Variants in USP47 observed in about 807,000 individuals in gnomAD.
USP47 encodes ubiquitin specific peptidase 47, also known as ubiquitin carboxyl-terminal hydrolase 47.
Under a neutral mutation model 165.1 loss-of-function variants are expected in USP47, and 35 were observed. That is an observed-to-expected ratio of 0.21 (90% CI 0.16 to 0.28). The LOEUF (loss-of-function observed/expected upper bound fraction) is 0.28. Ranked by LOEUF, USP47 falls within the 10% of genes least tolerant of loss-of-function variation. USP47 has a pLI of 1.00. For missense variants in USP47, 1,277 were observed against 1,607.4 expected (o/e 0.79, Z 3.52); for synonymous variants, 531 against 544.5 (o/e 0.98, Z 0.35).
At chr11:11,933,959 A>G in intron 16 of USP47, 24 bp downstream of exon 16, 2 of 1,514,184 alleles carry the variant, frequency 1.3e-6, no homozygotes, top group South Asian at 2.3e-5. Flanking sequence ...CATCATTGGC[A>G]TTTACTTACT....
intron 4 of USP47, among the ~76,000 whole-genome samples, chr11:11,892,833 A>G (rs1370449088): frequency 7.0e-6 from 1 of 142,456 alleles, no homozygotes; most frequent in Non-Finnish European, 1.5e-5. Context: ...AAAAAAAAAA[A>G]AGAAAAAGAA....
At position 11,942,542 on chromosome 11, in the gene USP47, G is replaced by C; in HGVS notation, c.2521G>C (p.Gly841Arg). The stretch of plus-strand genomic sequence containing the variant: ...GGATGATGACTGTGAAAGAGTCAAA[G>C]GACCTGTAGGAAGCCTAAAGTCTGT... ...NVDDDCERVK[G>R]PVGSLKSVEA... Residue 841 changes from glycine (G) to arginine (R), a missense_variant, in exon 20 of 28, where the codon GGA becomes CGA. Transcript: ENST00000527733. 6.2e-7 allele frequency: 1 copy of C among 1,613,550 alleles called. No homozygotes were observed. The highest frequency in any genetic ancestry group is 1.1e-5 in the South Asian group (1 of 91,062).
In USP47 at chr11:11,904,207, A is replaced by G. The variant is rs188633677; in HGVS notation, c.819+865A>G. ...ATTTTCTTATGGTGATTTGCTATTC[A>G]GTATTTGAAAAACACTGGTTTGAAC... is the stretch of plus-strand genomic sequence containing the variant. On this transcript the variant is annotated intron_variant, in intron 7 of 27. Transcript: ENST00000527733. Among the ~76,000 whole-genome samples, 29 of 152,312 alleles carry G rather than the reference A, an allele frequency of 1.9e-4. 1 individual carries two copies. The East Asian group carries it at 5.6e-3, about 29-fold the overall frequency.
rs1250306292 is a variant in USP47 at position 11,957,732 on chromosome 11, C to CT, written c.*1564dup. The CT allele has an allele frequency of 6.6e-6, 1 of 152,092 alleles. No homozygotes were observed. Among genetic ancestry groups the CT allele is most frequent in the Non-Finnish European group, 1.5e-5 (1 of 67,990 alleles). 9.4% of individuals were successfully genotyped at this position (152,092 alleles called of 1,614,324 possible). A position where few individuals can be genotyped will look rare whatever the true frequency, so the allele number is the denominator to read the frequency against. On this transcript the variant is annotated 3_prime_UTR_variant, in exon 28 of 28. Coordinates refer to ENST00000527733, the MANE Select transcript of USP47 (RefSeq NM_001282659.2). ...CAGTATTTCAGATCCGATTTTTACC[C>CT]TTTTTTTCTTATAAGAAAGATAAAA...
rs755830489 is a variant in USP47 at position 11,940,400 on chromosome 11, T to C, written c.2194-29T>C. ...TCAAGCAGAATTATTTTTGAAAGAG[T>C]ACTTTTTATTAAATTGCTTTCATTA... On this transcript the variant is annotated intron_variant, in intron 18 of 27. Coordinates refer to ENST00000527733, the MANE Select transcript of USP47 (RefSeq NM_001282659.2). The C allele has an allele frequency of 1.2e-5, 18 of 1,563,556 alleles. No homozygotes were observed. The South Asian group carries it at 2.0e-4, about 18-fold the overall frequency.
chr11:11,882,672 C>T (rs1850907663), intron 2 of USP47, among the ~76,000 whole-genome samples: 2 of 152,140 alleles, frequency 1.3e-5, no homozygotes, highest in African/African-American at 4.8e-5. Flanking sequence ...AGTGTTTCCT[C>T]ATGCCGCTTT....
At chr11:11,915,637 C>A (rs930661963) in intron 8 of USP47, among the ~76,000 whole-genome samples, 1 of 151,648 alleles carries the variant, frequency 6.6e-6, no homozygotes, top group African/African-American at 2.4e-5. Flanking sequence ...TTATTTCTTA[C>A]GATTGCATAT....
At chr11:11,844,748 T>G (rs1004991574) in intron 1 of USP47, among the ~76,000 whole-genome samples, 2 of 152,090 alleles carry the variant, frequency 1.3e-5, no homozygotes, top group African/African-American at 4.8e-5. Context: ...AGGGCCTTTG[T>G]ATAGGGAACC....
chr11:11,842,082 C>A lies in USP47; in HGVS notation c.-104C>A. 7.2e-7 allele frequency: 1 copy of A among 1,395,578 alleles called. No homozygotes were observed. The highest frequency in any genetic ancestry group is 9.8e-7 in the Non-Finnish European group (1 of 1,023,432). 86.4% of individuals were successfully genotyped at this position (1,395,578 alleles called of 1,614,324 possible). On this transcript the variant is annotated 5_prime_UTR_variant, in exon 1 of 28. Transcript: ENST00000527733. ...GCCTCCGCTATTGCTGGAGCGCAGGCGGCGGAGAGGATGACTGCCGCTGCC... is the reference window on the plus strand; with the variant it reads ...GCCTCCGCTATTGCTGGAGCGCAGGAGGCGGAGAGGATGACTGCCGCTGCC...
At chr11:11,899,721 A>G (rs1333005773) in intron 5 of USP47, among the ~76,000 whole-genome samples, 1 of 152,164 alleles carries the variant, frequency 6.6e-6, no homozygotes, top group African/African-American at 2.4e-5. Context: ...AAAAGAAACT[A>G]GAAATCCGTT....
rs113262751 is a variant in USP47, at chr11:11,854,988, G to A, written c.39+12764G>A. Among the ~76,000 whole-genome samples, 329 of 117,096 alleles carry A rather than the reference G, an allele frequency of 2.8e-3. 10 individuals are homozygous for A. The highest frequency in any genetic ancestry group is 8.9e-3 in the South Asian group (32 of 3,592). 76.8% of individuals were successfully genotyped at this position (117,096 alleles called of 152,430 possible). A position where few individuals can be genotyped will look rare whatever the true frequency, so the allele number is the denominator to read the frequency against. Reference sequence around the variant, plus strand: ...CGGGCGCCTGTAGTCCCAGCTACTCGGGAGGCTGAGGCAGGAGAATGGTGT... The same window carrying A: ...CGGGCGCCTGTAGTCCCAGCTACTCAGGAGGCTGAGGCAGGAGAATGGTGT... On this transcript the variant is annotated intron_variant, in intron 1 of 27. Coordinates refer to ENST00000527733, the MANE Select transcript of USP47 (RefSeq NM_001282659.2).
At chr11:11,943,149 C>T (rs1305733306) in intron 20 of USP47, 37 bp downstream of exon 20, 1 of 1,554,292 alleles carries the variant, frequency 6.4e-7, no homozygotes, top group Non-Finnish European at 8.7e-7. Context: ...CTTGAAACAG[C>T]ATCAGTTTTT....
intron 8 of USP47, among the ~76,000 whole-genome samples, chr11:11,913,791 A>G (rs959561442): frequency 6.6e-6 from 1 of 152,102 alleles, no homozygotes; most frequent in Non-Finnish European, 1.5e-5. Flanking sequence ...ATACAAAGAA[A>G]TGGTAAATGT....
In USP47 at chr11:11,900,613, T is replaced by C. The variant is rs367612456; in HGVS notation, c.594-2102T>C. On this transcript the variant is annotated intron_variant, in intron 5 of 27. Coordinates refer to ENST00000527733, the MANE Select transcript of USP47 (RefSeq NM_001282659.2). Reference sequence around the variant, plus strand: ...AGATAGAGAACCCCGGAGGAATCTGTTATTAAACCAGGCATGGATATATTA... The same window carrying C: ...AGATAGAGAACCCCGGAGGAATCTGCTATTAAACCAGGCATGGATATATTA... Among the ~76,000 whole-genome samples the C allele has an allele frequency of 7.2e-5, 11 of 152,302 alleles. No individual in the cohort carries two copies. In the South Asian group the frequency reaches 2.1e-3, roughly 29 times the overall value.
chr11:11,951,959 A>C (rs1856254449), intron 24 of USP47: 1 of 152,204 alleles, frequency 6.6e-6, no homozygotes, highest in South Asian at 2.1e-4. Flanking sequence ...TCATCTGAAA[A>C]TGGTACTAGA....
chr11:11,911,648 A>G (rs1185108767), intron 8 of USP47, among the ~76,000 whole-genome samples: 1 of 152,194 alleles, frequency 6.6e-6, no homozygotes, highest in Non-Finnish European at 1.5e-5. Context: ...AGACAAATCT[A>G]CAATTACAGT....
rs1287624743 is a variant in USP47, at chr11:11,892,019, C to G, written c.409C>G (p.Leu137Val). 3 of 1,613,934 alleles carry G rather than the reference C, an allele frequency of 1.9e-6. No homozygotes were observed. Among genetic ancestry groups the G allele is most frequent in the Non-Finnish European group, 1.7e-6 (2 of 1,179,902 alleles). Residue 137 changes from leucine (L) to valine (V), a missense_variant, in exon 4 of 28, where the codon CTT becomes GTT. This residue lies in a region of USP47 where 181 missense variants were observed against 194.7 expected (regional missense o/e 0.93). Transcript: ENST00000527733. ...DSVHDRFIGPLPREGSGGSTS... is the reference protein window; with the variant it reads ...DSVHDRFIGPVPREGSGGSTS... ...TGTTCATGACAGGTTTATAGGTCCG[C>G]TTCCAAGAGAAGGTTCTGGGGGTTC...
At position 11,958,365 on chromosome 11, in the gene USP47, T is replaced by G. The variant is rs1214867377; in HGVS notation, c.*2190T>G. On this transcript the variant is annotated 3_prime_UTR_variant, in exon 28 of 28. Transcript: ENST00000527733. ...TTATAGAAAAGAAAAAATTAAAAGC[T>G]TCTTGCTTTTCAGTGCCTGATAGAG... 3 of 152,230 alleles carry G rather than the reference T, an allele frequency of 2.0e-5. No homozygotes were observed. Among genetic ancestry groups the G allele is most frequent in the African/African-American group, 7.2e-5 (3 of 41,458 alleles). The allele number at this position is 152,230 out of a possible 1,614,324, so 9.4% of individuals were successfully genotyped here. A position where few individuals can be genotyped will look rare whatever the true frequency, so the allele number is the denominator to read the frequency against.
chr11:11,911,957 A>T (rs1590359461), intron 8 of USP47, among the ~76,000 whole-genome samples: 1 of 152,264 alleles, frequency 6.6e-6, no homozygotes, highest in East Asian at 1.9e-4. Flanking sequence ...CACTTGGGAA[A>T]TAACACTTCT....
Sources: allele counts gnomAD v4.1 joint callset (sites outside exome capture counted in the v4.1 genomes callset), GRCh38; gene constraint gnomAD v4.1.1; regional missense constraint gnomAD v4.1.1; transcripts MANE v1.5; gene names NCBI Gene and HGNC (gene_info 2026-07-23, HGNC 2026-07-21).